STAT5B: variants seen among roughly 807,000 people sequenced by gnomAD.
STAT5B encodes signal transducer and activator of transcription 5B, also known as transcription factor STAT5B.
In STAT5B, 21 loss-of-function variants were observed where a neutral mutation model predicts 107.8. That is an observed-to-expected ratio of 0.19 (90% CI 0.14 to 0.28). The LOEUF (loss-of-function observed/expected upper bound fraction) is 0.28. Ranked by LOEUF, STAT5B falls within the 10% of genes least tolerant of loss-of-function variation. The probability of loss-of-function intolerance (pLI) is 1.00; values close to 1 mark genes in which losing one functional copy is unlikely to be tolerated. For synonymous variants in STAT5B, 325 were observed against 401.7 expected, an observed-to-expected ratio of 0.81 and a Z score of 2.28; for missense variants, 565 against 1,008.2, an observed-to-expected ratio of 0.56 and a Z score of 5.95.
chr17:42,262,970 G>C (rs867949427), intron 1 of STAT5B, among the ~76,000 whole-genome samples: 1 of 20,930 alleles, frequency 4.8e-5, no homozygotes, highest in African/African-American at 1.9e-4. Flanking sequence ...GTGTGTGTGT[G>C]TATATATATA....
intron 18 of STAT5B, 100 bp downstream of exon 18, chr17:42,202,240 G>C (rs1443485712): frequency 2.2e-6 from 3 of 1,387,910 alleles, no homozygotes; most frequent in African/African-American, 2.9e-5. Flanking sequence ...CTCAGACCTA[G>C]AGGAGCTCTG....
rs1442872098 is a variant in STAT5B at position 42,231,984 on chromosome 17, A to T, written c.128+16T>A. The T allele has an allele frequency of 6.2e-7, 1 of 1,613,686 alleles. No homozygotes were observed. On this transcript the variant is annotated intron_variant, in intron 2 of 18. Coordinates refer to ENST00000293328, the MANE Select transcript of STAT5B (RefSeq NM_012448.4). ...GTGTTTCACAAAATATGATGCAAAC[A>T]TCCTTGTTCACCTACCATGCTTGGC...
intron 1 of STAT5B, among the ~76,000 whole-genome samples, chr17:42,262,870 GTGTA>G (rs1192455058): frequency 1.6e-5 from 2 of 123,732 alleles, no homozygotes; most frequent in African/African-American, 3.1e-5. Context: ...ATATATGTGT[GTGTA>G]TATATACACA....
chr17:42,229,742 G>A (rs1031915779), intron 2 of STAT5B, among the ~76,000 whole-genome samples: 2 of 151,650 alleles, frequency 1.3e-5, no homozygotes, highest in Non-Finnish European at 2.9e-5. Context: ...GTGGTGGCGG[G>A]CACCTGCAGT....
At chr17:42,256,363 G>A (rs2080544338) in intron 1 of STAT5B, among the ~76,000 whole-genome samples, 2 of 152,190 alleles carry the variant, frequency 1.3e-5, no homozygotes, top group Non-Finnish European at 1.5e-5. Flanking sequence ...TTATAGGCAT[G>A]AGCCACTGCA....
chr17:42,213,385 T>C (rs1413871676), intron 12 of STAT5B, among the ~76,000 whole-genome samples: 3 of 152,040 alleles, frequency 2.0e-5, no homozygotes, highest in Non-Finnish European at 4.4e-5. Flanking sequence ...TTGTGTGTTT[T>C]TTGTAGAGAC....
At chr17:42,282,477 C>T in the STAT5B span, among the ~76,000 whole-genome samples, 1 of 152,196 alleles carries the variant, frequency 6.6e-6, no homozygotes, top group African/African-American at 2.4e-5. Flanking sequence ...GCATCTGCCA[C>T]CACACCTGGC....
chr17:42,244,944 C>T (rs546504170), intron 1 of STAT5B, among the ~76,000 whole-genome samples: 11 of 151,980 alleles, frequency 7.2e-5, no homozygotes, highest in African/African-American at 2.2e-4. Flanking sequence ...CTCTTTCAAC[C>T]GGGTTAAAGT....
At chr17:42,205,981 C>T (rs1191992228) in intron 16 of STAT5B, among the ~76,000 whole-genome samples, 3 of 152,032 alleles carry the variant, frequency 2.0e-5, no homozygotes, top group Admixed American at 6.6e-5. Context: ...TAAAATAACA[C>T]CTCCACTCTC....
At chr17:42,231,826 C>CT (rs1380005236) in intron 2 of STAT5B, among the ~76,000 whole-genome samples, 174 bp downstream of exon 2, 3 of 152,140 alleles carry the variant, frequency 2.0e-5, no homozygotes, top group Non-Finnish European at 4.4e-5. Flanking sequence ...CTAAGATGGG[C>CT]TTAAATACCT....
chr17:42,202,659 C>CG, intron 17 of STAT5B, 98 bp downstream of exon 17: 2 of 1,595,902 alleles, frequency 1.3e-6, no homozygotes, highest in Non-Finnish European at 1.7e-6. Flanking sequence ...ACAGTTTCCC[C>CG]GGGGGAGCGG....
Position 42,205,536 on chromosome 17 carries a change from G to T in STAT5B, c.2077+2022C>A, listed in dbSNP as rs189694009. Among the ~76,000 whole-genome samples the T allele has an allele frequency of 2.7e-3, 412 of 152,210 alleles. 4 individuals carry two copies. Among genetic ancestry groups the T allele is most frequent in the Non-Finnish European group, 4.9e-3 (332 of 68,018 alleles). On this transcript the variant is annotated intron_variant, in intron 16 of 18. Transcript: ENST00000293328. ...TGGCCATTCTCAACCCAGGATTTTT[G>T]TACTTGTTCTCTTGGCATACAATGT...
intron 1 of STAT5B, among the ~76,000 whole-genome samples, chr17:42,242,519 T>C (rs916402559): frequency 1.3e-5 from 2 of 152,100 alleles, no homozygotes; most frequent in Non-Finnish European, 2.9e-5. Context: ...CAGATATGAT[T>C]TGCTGAAAAG....
intron 1 of STAT5B, among the ~76,000 whole-genome samples, chr17:42,267,224 T>C (rs1302690487): frequency 1.3e-5 from 2 of 152,224 alleles, no homozygotes; most frequent in Non-Finnish European, 2.9e-5. Context: ...TAAATGCCTA[T>C]GTTACTGGTT....
rs1285898420 is a variant in STAT5B, at chr17:42,211,990, G to C, written c.1674C>G (p.Phe558Leu). The C allele has an allele frequency of 6.2e-7, 1 of 1,611,552 alleles. No individual in the cohort carries two copies. The highest frequency in any genetic ancestry group is 8.5e-7 in the Non-Finnish European group (1 of 1,178,906). The change falls in exon 13 of 19, where the codon TTC becomes TTG. Residue 558 changes from phenylalanine (F) to leucine (L), a missense_variant. By Grantham distance (22) the Phe-to-Leu change is conservative. This residue lies in a region of STAT5B where 127 missense variants were observed against 215.8 expected (regional missense o/e 0.59). Transcript: ENST00000293328. ...TGGCAGCTGGGCTCCTCACCCTGTT[G>C]AACTGGGACCAGGACACAGACAGGC... ...YSGLSVSWSQ[F>L]NRENLPGRNY...
intron 12 of STAT5B, among the ~76,000 whole-genome samples, chr17:42,215,605 C>G (rs980750269): frequency 6.6e-6 from 1 of 152,024 alleles, no homozygotes; most frequent in Admixed American, 6.6e-5. Context: ...AAGAAAACAG[C>G]GTCTTTTTTC....
intron 5 of STAT5B, among the ~76,000 whole-genome samples, chr17:42,221,418 C>A (rs2080225222): frequency 6.6e-6 from 1 of 152,134 alleles, no homozygotes; most frequent in Non-Finnish European, 1.5e-5. Flanking sequence ...GCAGCTGAGC[C>A]TTCCCTGGCA....
intron 1 of STAT5B, among the ~76,000 whole-genome samples, chr17:42,238,998 C>T (rs1442133630): frequency 2.0e-5 from 3 of 150,630 alleles, no homozygotes; most frequent in Non-Finnish European, 4.4e-5. Flanking sequence ...GCCTGTAATC[C>T]CAGCACTCTG....
intron 1 of STAT5B, among the ~76,000 whole-genome samples, chr17:42,257,622 C>T (rs1216962277): frequency 2.0e-5 from 3 of 152,162 alleles, no homozygotes; most frequent in Non-Finnish European, 4.4e-5. Context: ...ACAATCAAAT[C>T]AAATCCTTTG....
Sources: gnomAD v4.1 joint callset for allele counts (sites outside exome capture counted in the v4.1 genomes callset) on GRCh38, gnomAD v4.1.1 for gene constraint, gnomAD v4.1.1 regional missense constraint, MANE v1.5 for transcripts, NCBI Gene and HGNC (gene_info 2026-07-23, HGNC 2026-07-21) for gene names.